CADM2: variants seen among roughly 807,000 people sequenced by gnomAD.
The protein encoded by CADM2 is immunoglobulin superfamily member 4D.
In CADM2, 12 loss-of-function variants were observed where a neutral mutation model predicts 49.8. That is an observed-to-expected ratio of 0.24 (90% CI 0.15 to 0.39). CADM2 has a LOEUF of 0.39. Among genes scored for constraint, CADM2 ranks in the 10% least tolerant of loss-of-function variants. CADM2 has a pLI of 1.00. For synonymous variants in CADM2, 214 were observed against 175.4 expected, an observed-to-expected ratio of 1.22 and a Z score of -1.74; for missense variants, 378 against 492.3, an observed-to-expected ratio of 0.77 and a Z score of 2.20.
chr3:85,242,076 T>C, intron 1 of CADM2, among the ~76,000 whole-genome samples: 1 of 147,070 alleles, frequency 6.8e-6, no homozygotes, highest in South Asian at 2.1e-4. Flanking sequence ...TTTTTTTTTT[T>C]ATATATATAA....
intron 3 of CADM2, among the ~76,000 whole-genome samples, chr3:85,837,694 A>G (rs2074467567): frequency 2.0e-5 from 3 of 151,798 alleles, no homozygotes; most frequent in Non-Finnish European, 4.4e-5. Flanking sequence ...AACTCTGACA[A>G]ACAATATACT....
intron 1 of CADM2, among the ~76,000 whole-genome samples, chr3:85,279,375 G>A (rs2043444197): frequency 6.6e-6 from 1 of 151,406 alleles, no homozygotes; most frequent in South Asian, 2.1e-4. Flanking sequence ...TCTTGAAAAT[G>A]CTTTTATTAA....
At chr3:85,629,895 T>C (rs2064253263) in intron 1 of CADM2, among the ~76,000 whole-genome samples, 1 of 151,946 alleles carries the variant, frequency 6.6e-6, no homozygotes, top group Admixed American at 6.6e-5. Context: ...AATGAGAAAA[T>C]AAAAGTATCT....
intron 1 of CADM2, among the ~76,000 whole-genome samples, chr3:85,687,882 G>T (rs1407603256): frequency 6.6e-6 from 1 of 152,150 alleles, no homozygotes. Context: ...GCGGGCGAGC[G>T]AGCATTACTG....
intron 8 of CADM2, among the ~76,000 whole-genome samples, chr3:86,044,672 A>T (rs1304652877): frequency 6.6e-6 from 1 of 152,166 alleles, no homozygotes; most frequent in Non-Finnish European, 1.5e-5. Context: ...AAGTATCTAG[A>T]ACTAGAAATA....
chr3:86,053,141 A>G (rs1737532953), intron 8 of CADM2, among the ~76,000 whole-genome samples: 1 of 152,210 alleles, frequency 6.6e-6, no homozygotes. Context: ...TTCTTCCTAT[A>G]ACGGAGTAAA....
chr3:85,912,572 A>T, intron 6 of CADM2, 29 bp downstream of exon 6: 1 of 1,590,034 alleles, frequency 6.3e-7, no homozygotes, highest in Non-Finnish European at 8.6e-7. Flanking sequence ...CCCCTCCTTT[A>T]TCTCAGCAGC....
rs947039541 is a variant in CADM2 at position 85,240,891 on chromosome 3, T to C, written c.61+281223T>C. On this transcript the variant is annotated intron_variant, in intron 1 of 9. Transcript: ENST00000383699. ...TAGTTGTACATATCTTTGGGGTAGA[T>C]GTAATATTTTGATACAGGCATACAA... Among the ~76,000 whole-genome samples the C allele has an allele frequency of 4.6e-5, 7 of 151,646 alleles. No homozygotes were observed. In the East Asian group the frequency reaches 1.4e-3, roughly 29 times the overall value.
intron 1 of CADM2, among the ~76,000 whole-genome samples, chr3:85,267,719 C>T (rs2043152378): frequency 6.6e-6 from 1 of 151,254 alleles, no homozygotes; most frequent in Non-Finnish European, 1.5e-5. Flanking sequence ...AGCTGAGGAG[C>T]TCGTAATTGG....
In CADM2 at chr3:85,076,690, G is replaced by A. The variant is rs184036500; in HGVS notation, c.61+117022G>A. On this transcript the variant is annotated intron_variant, in intron 1 of 9. Coordinates refer to ENST00000383699, the MANE Select transcript of CADM2 (RefSeq NM_001167675.2). ...TTATCTACTTCCAAAGATAATTTTCGGCTGGGCATGGTGGTTCACACCTTT... is the reference window on the plus strand; with the variant it reads ...TTATCTACTTCCAAAGATAATTTTCAGCTGGGCATGGTGGTTCACACCTTT... Among the ~76,000 whole-genome samples, 7 of 151,954 alleles carry A rather than the reference G, an allele frequency of 4.6e-5. No individual in the cohort carries two copies. In the East Asian group the frequency reaches 1.4e-3, roughly 30 times the overall value.
intron 2 of CADM2, among the ~76,000 whole-genome samples, chr3:85,769,684 A>G (rs1333320983): frequency 6.9e-6 from 1 of 145,762 alleles, no homozygotes; most frequent in Non-Finnish European, 1.5e-5. Flanking sequence ...ATATATACAT[A>G]TATATGATTT....
At chr3:85,907,015 G>T (rs187419255) in intron 5 of CADM2, among the ~76,000 whole-genome samples, 17 of 152,236 alleles carry the variant, frequency 1.1e-4, no homozygotes, top group Non-Finnish European at 2.2e-4. Flanking sequence ...TCTAAAAATG[G>T]TGTATTTAGT....
At chr3:85,510,153 G>A (rs1322529552) in intron 1 of CADM2, among the ~76,000 whole-genome samples, 1 of 152,006 alleles carries the variant, frequency 6.6e-6, no homozygotes, top group Non-Finnish European at 1.5e-5. Flanking sequence ...CAAAATTGTG[G>A]TAGAAAATAA....
At chr3:85,063,255 T>C (rs559757745) in intron 1 of CADM2, among the ~76,000 whole-genome samples, 1 of 152,028 alleles carries the variant, frequency 6.6e-6, no homozygotes. Context: ...TTGATGGAAA[T>C]GTAATTAAAT....
At chr3:86,062,403 T>C (rs1559832613) in intron 8 of CADM2, among the ~76,000 whole-genome samples, 1 of 152,162 alleles carries the variant, frequency 6.6e-6, no homozygotes, top group Non-Finnish European at 1.5e-5. Context: ...AATTAACTAG[T>C]AACTTTAATT....
At chr3:85,010,772 T>C (rs2107251763) in intron 1 of CADM2, among the ~76,000 whole-genome samples, 1 of 151,694 alleles carries the variant, frequency 6.6e-6, no homozygotes, top group Non-Finnish European at 1.5e-5. Context: ...CAATATATAT[T>C]GTGATAATAA....
intron 1 of CADM2, among the ~76,000 whole-genome samples, chr3:85,219,481 C>G (rs2041999987): frequency 6.6e-6 from 1 of 152,092 alleles, no homozygotes; most frequent in Non-Finnish European, 1.5e-5. Context: ...TTAAAAGTAT[C>G]CATCAACTCT....
At chr3:85,575,897 C>A (rs1453081656) in intron 1 of CADM2, among the ~76,000 whole-genome samples, 2 of 152,166 alleles carry the variant, frequency 1.3e-5, no homozygotes, top group Non-Finnish European at 2.9e-5. Context: ...GAAGATGACA[C>A]CTACGTGTAG....
At chr3:85,523,954 A>G (rs2061094273) in intron 1 of CADM2, among the ~76,000 whole-genome samples, 1 of 152,166 alleles carries the variant, frequency 6.6e-6, no homozygotes, top group Non-Finnish European at 1.5e-5. Flanking sequence ...TGTCTAAATC[A>G]GAGATAAATT....
Sources: gnomAD v4.1 joint callset for allele counts (sites outside exome capture counted in the v4.1 genomes callset) on GRCh38, gnomAD v4.1.1 for gene constraint, MANE v1.5 for transcripts, NCBI Gene and HGNC (gene_info 2026-07-23, HGNC 2026-07-21) for gene names.